NAMPT: variants seen among roughly 807,000 people sequenced by gnomAD.
The protein encoded by NAMPT is nicotinamide phosphoribosyltransferase, also known as NAmPRTase.
Under a neutral mutation model 58.7 loss-of-function variants are expected in NAMPT, and 7 were observed. That is an observed-to-expected ratio of 0.12 (90% confidence interval 0.07 to 0.22). The LOEUF is 0.22. Ranked by LOEUF, NAMPT falls within the 10% of genes least tolerant of loss-of-function variation. The pLI is 1.00. For missense variants in NAMPT, 271 were observed against 567.9 expected, an observed-to-expected ratio of 0.48 and a Z score of 5.31; for synonymous variants, 145 against 198.1, an observed-to-expected ratio of 0.73 and a Z score of 2.25.
At chr7:106,284,695 C>T in intron 1 of NAMPT, 133 bp downstream of exon 1, 9 of 1,071,782 alleles carry the variant, frequency 8.4e-6, no homozygotes, top group Non-Finnish European at 1.0e-5. Flanking sequence ...GCGCCTCCCC[C>T]GGGCCTCCCC....
chr7:106,285,628 C>T (rs1290896771), upstream of NAMPT: 1 of 985,544 alleles, frequency 1.0e-6, no homozygotes, highest in Non-Finnish European at 1.2e-6. Flanking sequence ...CTTTAAGATC[C>T]CAGGAGCTGC....
intron 6 of NAMPT, chr7:106,268,254 C>G (rs574857330): frequency 3.0e-5 from 12 of 399,448 alleles, no homozygotes; most frequent in East Asian, 2.9e-4. Context: ...TGGAAAAAAG[C>G]TCTTAAACTG....
intron 1 of NAMPT, among the ~76,000 whole-genome samples, chr7:106,277,742 C>T (rs1792679385): frequency 6.6e-6 from 1 of 152,144 alleles, no homozygotes; most frequent in Non-Finnish European, 1.5e-5. Context: ...TTTGTAATCT[C>T]CCTTTGTCAA....
intron 4 of NAMPT, chr7:106,272,281 A>G: frequency 3.1e-6 from 1 of 318,606 alleles, no homozygotes; most frequent in Non-Finnish European, 6.0e-6. Flanking sequence ...ATGAAAGCCA[A>G]CTAGGTTTTA....
intron 6 of NAMPT, among the ~76,000 whole-genome samples, chr7:106,264,952 A>G (rs917650815): frequency 6.6e-6 from 1 of 151,902 alleles, no homozygotes; most frequent in African/African-American, 2.4e-5. Flanking sequence ...GGGGTAGTGC[A>G]GCATGCACAT....
intron 7 of NAMPT, 34 bp from the exon 8 acceptor site, chr7:106,261,741 C>G (rs1326512003): frequency 1.3e-6 from 2 of 1,586,830 alleles, no homozygotes; most frequent in East Asian, 4.5e-5. Flanking sequence ...ACACAAATAA[C>G]TAAAGCTGAA....
chr7:106,263,702 C>T (rs1286124463), intron 6 of NAMPT, 85 bp from the exon 7 acceptor site: 2 of 1,012,744 alleles, frequency 2.0e-6, no homozygotes, highest in Admixed American at 3.9e-5. Flanking sequence ...CTCATGTTTA[C>T]TATACCAAAC....
In NAMPT at chr7:106,249,249, T is replaced by G. The variant is rs544714526; in HGVS notation, c.*1834A>C. 5 of 152,642 alleles carry G rather than the reference T, an allele frequency of 3.3e-5. No homozygotes were observed. The highest frequency in any genetic ancestry group is 4.1e-4 in the South Asian group (2 of 4,824). The allele number at this position is 152,642 out of a possible 1,614,324, so 9.5% of individuals were successfully genotyped here. On this transcript the variant is annotated 3_prime_UTR_variant, in exon 11 of 11. Transcript: ENST00000222553. Reference sequence around the variant, plus strand: ...TACTAAAAGTGAATAATGCTTATTGTTCTCACTACATGTTTAAAGAACCAT... The same window carrying G: ...TACTAAAAGTGAATAATGCTTATTGGTCTCACTACATGTTTAAAGAACCAT...
At chr7:106,259,476 G>T (rs767431327) in intron 8 of NAMPT, among the ~76,000 whole-genome samples, 1 of 152,110 alleles carries the variant, frequency 6.6e-6, no homozygotes, top group Non-Finnish European at 1.5e-5. Flanking sequence ...TGCCCAGGCT[G>T]GAGTGCAGTG....
chr7:106,280,482 A>G (rs908872474), intron 1 of NAMPT, among the ~76,000 whole-genome samples: 1 of 152,220 alleles, frequency 6.6e-6, no homozygotes, highest in African/African-American at 2.4e-5. Flanking sequence ...CTTGACTTCT[A>G]TTACTAAAGA....
At chr7:106,268,659 C>G (rs1021384975) in intron 5 of NAMPT, 59 bp from the exon 6 acceptor site, 47 of 1,190,680 alleles carry the variant, frequency 3.9e-5, no homozygotes, top group Non-Finnish European at 1.3e-6. Flanking sequence ...TTAATAATAC[C>G]AGGATGCAGC....
intron 6 of NAMPT, among the ~76,000 whole-genome samples, chr7:106,264,871 ATG>A (rs1000899424): frequency 1.4e-4 from 22 of 151,744 alleles, no homozygotes; most frequent in Non-Finnish European, 2.8e-4. Context: ...ACTTTATACA[ATG>A]TGTGTGTGTG....
At chr7:106,284,564 C>T (rs974751584) in intron 1 of NAMPT, 4 of 187,782 alleles carry the variant, frequency 2.1e-5, no homozygotes, top group Non-Finnish European at 3.0e-5. Context: ...CCTCAGCCCC[C>T]CGCCGCGCCG....
chr7:106,248,942 G>C lies in NAMPT; in HGVS notation c.*2141C>G, dbSNP rs1277935342. ...CCTGATTTATGGTTGTGAACAAAGAGATAGCTTTTTTCACTGCAAATTTCT... is the reference window on the plus strand; with the variant it reads ...CCTGATTTATGGTTGTGAACAAAGACATAGCTTTTTTCACTGCAAATTTCT... On this transcript the variant is annotated 3_prime_UTR_variant, in exon 11 of 11. Transcript: ENST00000222553. 1.3e-5 allele frequency: 2 copies of C among 152,036 alleles called. No individual in the cohort carries two copies. Among genetic ancestry groups the C allele is most frequent in the Admixed American group, 6.6e-5 (1 of 15,242 alleles). The allele number at this position is 152,036 out of a possible 1,614,324, so 9.4% of individuals were successfully genotyped here. A position where few individuals can be genotyped will look rare whatever the true frequency, so the allele number is the denominator to read the frequency against.
chr7:106,280,172 A>G (rs1015058083), intron 1 of NAMPT, among the ~76,000 whole-genome samples: 1 of 152,132 alleles, frequency 6.6e-6, no homozygotes, highest in Non-Finnish European at 1.5e-5. Context: ...AGAGTGCAGG[A>G]GTTAGGGGCT....
In NAMPT at chr7:106,248,783, A is replaced by G. The variant is rs1792060221; in HGVS notation, c.*2300T>C. 1 of 152,120 alleles carries G rather than the reference A, an allele frequency of 6.6e-6. No homozygotes were observed. Among genetic ancestry groups the G allele is most frequent in the South Asian group, 2.1e-4 (1 of 4,834 alleles). The allele number at this position is 152,120 out of a possible 1,614,324, so 9.4% of individuals were successfully genotyped here. A position where few individuals can be genotyped will look rare whatever the true frequency, so the allele number is the denominator to read the frequency against. On this transcript the variant is annotated 3_prime_UTR_variant, in exon 11 of 11. Transcript: ENST00000222553. Reference sequence around the variant, plus strand: ...GACTGATTTAAGGGTGACACACAGCAGAGTTCTAGTGGACATTCGTGTTAA... The same window carrying G: ...GACTGATTTAAGGGTGACACACAGCGGAGTTCTAGTGGACATTCGTGTTAA...
At chr7:106,251,670 C>T (rs975593832) in intron 10 of NAMPT, among the ~76,000 whole-genome samples, 1 of 151,962 alleles carries the variant, frequency 6.6e-6, no homozygotes, top group African/African-American at 2.4e-5. Context: ...GTCTAGAAAA[C>T]CCACAAAAAG....
At chr7:106,276,291 G>A (rs1407536870) in intron 2 of NAMPT, 2 of 152,060 alleles carry the variant, frequency 1.3e-5, no homozygotes, top group Admixed American at 1.3e-4. Flanking sequence ...CCCTAGAAAT[G>A]GCCTTTCAAA....
At chr7:106,285,017 C>T (rs1792844624), upstream of NAMPT, 3 of 1,400,658 alleles carry the variant, frequency 2.1e-6, no homozygotes, top group Non-Finnish European at 1.9e-6. Context: ...GAGGGGGAAA[C>T]GGAGAGAGGG....
Sources: gnomAD v4.1 joint callset for allele counts (sites outside exome capture counted in the v4.1 genomes callset) on GRCh38, gnomAD v4.1.1 for gene constraint, MANE v1.5 for transcripts, NCBI Gene and HGNC (gene_info 2026-07-23, HGNC 2026-07-21) for gene names.